AGMO: variants seen among roughly 807,000 people sequenced by gnomAD.
AGMO encodes alkylglycerol monooxygenase.
AGMO carries 75 observed loss-of-function variants against 60.2 expected under a neutral mutation model. That is an observed-to-expected ratio of 1.25 (90% CI 1.03 to 1.51). AGMO has a LOEUF of 1.51. Ranked by LOEUF, AGMO falls within the 40% of genes most tolerant of loss-of-function variation. The pLI is 0.00. For missense variants in AGMO, 763 were observed against 525.5 expected, an observed-to-expected ratio of 1.45 and a Z score of -4.42; for synonymous variants, 261 against 177.1, an observed-to-expected ratio of 1.47 and a Z score of -3.76.
intron 5 of AGMO, among the ~76,000 whole-genome samples, chr7:15,407,305 C>T (rs1184082584): frequency 6.8e-6 from 1 of 146,760 alleles, no homozygotes; most frequent in Non-Finnish European, 1.5e-5. Context: ...GAAATGCATA[C>T]ATGAATAAGC....
chr7:15,126,569 T>C, the AGMO span, among the ~76,000 whole-genome samples: 1 of 152,226 alleles, frequency 6.6e-6, no homozygotes, highest in Non-Finnish European at 1.5e-5. Context: ...CCCCAATTCC[T>C]GTCTAAGGGT....
chr7:15,553,578 C>T (rs1364148721), intron 2 of AGMO, among the ~76,000 whole-genome samples: 1 of 151,732 alleles, frequency 6.6e-6, no homozygotes, highest in African/African-American at 2.4e-5. Context: ...ATAAATATTC[C>T]CTCAGTTTAA....
intron 3 of AGMO, among the ~76,000 whole-genome samples, chr7:15,454,892 C>G (rs1308802692): frequency 6.6e-6 from 1 of 152,068 alleles, no homozygotes; most frequent in Non-Finnish European, 1.5e-5. Flanking sequence ...ACCTCTGATT[C>G]CCACTTACCA....
intron 12 of AGMO, among the ~76,000 whole-genome samples, chr7:15,221,116 A>G (rs994273070): frequency 1.3e-5 from 2 of 152,188 alleles, no homozygotes; most frequent in African/African-American, 2.4e-5. Context: ...TGTTTTCTCA[A>G]TCAGTATGCC....
intron 2 of AGMO, among the ~76,000 whole-genome samples, chr7:15,546,535 T>TG (rs1784786859): frequency 6.6e-6 from 1 of 152,238 alleles, no homozygotes; most frequent in African/African-American, 2.4e-5. Flanking sequence ...GGCAGACCTC[T>TG]GCAGGTGTCC....
At chr7:15,354,846 TA>T (rs567710476) in intron 12 of AGMO, among the ~76,000 whole-genome samples, 1 of 150,814 alleles carries the variant, frequency 6.6e-6, no homozygotes, top group East Asian at 2.1e-4. Context: ...TTTCTAAAAA[TA>T]AAAATATATT....
chr7:15,282,102 T>C (rs1363062847), intron 12 of AGMO, among the ~76,000 whole-genome samples: 1 of 151,950 alleles, frequency 6.6e-6, no homozygotes, highest in Non-Finnish European at 1.5e-5. Flanking sequence ...TAAGAAATAA[T>C]TAGAACATAT....
At chr7:15,307,525 G>C (rs1296165546) in intron 12 of AGMO, among the ~76,000 whole-genome samples, 1 of 149,254 alleles carries the variant, frequency 6.7e-6, no homozygotes, top group Non-Finnish European at 1.5e-5. Context: ...AAGTATACTA[G>C]TTTTTTTTTT....
At chr7:15,153,655 C>T in the AGMO span, among the ~76,000 whole-genome samples, 1 of 152,088 alleles carries the variant, frequency 6.6e-6, no homozygotes, top group Non-Finnish European at 1.5e-5. Context: ...TGACTGTAAG[C>T]ATTTGTGTTT....
chr7:15,521,474 C>A (rs1455076694), intron 3 of AGMO, among the ~76,000 whole-genome samples: 2 of 152,166 alleles, frequency 1.3e-5, no homozygotes, highest in Non-Finnish European at 2.9e-5. Context: ...CCAAATCCAG[C>A]AGCACATTAA....
At chr7:15,361,160 C>T (rs866717279) in intron 12 of AGMO, among the ~76,000 whole-genome samples, 1 of 151,986 alleles carries the variant, frequency 6.6e-6, no homozygotes, top group African/African-American at 2.4e-5. Context: ...CTGTCACTGT[C>T]ATCAGCACAA....
intron 12 of AGMO, among the ~76,000 whole-genome samples, chr7:15,359,307 A>AAAG (rs1554261430): frequency 1.5e-4 from 23 of 150,656 alleles, no homozygotes; most frequent in Admixed American, 2.6e-4. Flanking sequence ...AAAAAAAAAA[A>AAAG]GAAATTAGAT....
chr7:15,321,912 T>C (rs1002200648), intron 12 of AGMO, among the ~76,000 whole-genome samples: 1 of 151,936 alleles, frequency 6.6e-6, no homozygotes, highest in South Asian at 2.1e-4. Context: ...TAATGAAAAA[T>C]TGGAGGTCTA....
chr7:15,409,502 A>G (rs1378118842), intron 5 of AGMO, among the ~76,000 whole-genome samples: 1 of 151,782 alleles, frequency 6.6e-6, no homozygotes, highest in African/African-American at 2.4e-5. Flanking sequence ...GGGTTTGATC[A>G]CAGAGTTTGA....
chr7:15,153,593 T>C, the AGMO span, among the ~76,000 whole-genome samples: 1 of 152,272 alleles, frequency 6.6e-6, no homozygotes, highest in Middle Eastern at 3.4e-3. Context: ...ATTTGTTGAA[T>C]AGGGTGTCCT....
chr7:15,390,568 G>T (rs1388943357), intron 8 of AGMO, 103 bp downstream of exon 8: 5 of 835,924 alleles, frequency 6.0e-6, no homozygotes, highest in Non-Finnish European at 9.0e-6. Context: ...ATTTTTTCAG[G>T]TTAGTGTAAT....
intron 3 of AGMO, among the ~76,000 whole-genome samples, chr7:15,534,173 T>G (rs1413988058): frequency 1.3e-5 from 2 of 151,904 alleles, no homozygotes; most frequent in African/African-American, 4.8e-5. Context: ...TTTCCTAGGT[T>G]CTCGAAAAGA....
chr7:15,200,012 G>C (rs1256051227), downstream of AGMO, among the ~76,000 whole-genome samples: 3 of 152,088 alleles, frequency 2.0e-5, no homozygotes, highest in Non-Finnish European at 4.4e-5. Context: ...ATAATGTATT[G>C]CTAATATGAG....
chr7:15,271,715 T>C (rs751979066), intron 12 of AGMO, among the ~76,000 whole-genome samples: 2 of 152,176 alleles, frequency 1.3e-5, no homozygotes, highest in African/African-American at 2.4e-5. Flanking sequence ...TGAATAGAAG[T>C]TGTGAAAGTG....
Sources: allele counts gnomAD v4.1 joint callset (sites outside exome capture counted in the v4.1 genomes callset), GRCh38; gene constraint gnomAD v4.1.1; transcripts MANE v1.5; gene names NCBI Gene and HGNC (gene_info 2026-07-23, HGNC 2026-07-21).